Variants in UNC13C observed in about 807,000 individuals in gnomAD.
UNC13C encodes the protein unc-13 homolog C.
In UNC13C, 174 loss-of-function variants were observed where a neutral mutation model predicts 245.4. The ratio of observed to expected loss-of-function variants is 0.71; its 90% CI spans 0.63 to 0.80. UNC13C has a LOEUF of 0.80. UNC13C is among the 30% of genes least tolerant of loss of function. UNC13C has a pLI of 0.00. For synonymous variants in UNC13C, 992 were observed against 895.1 expected, an observed-to-expected ratio of 1.11 and a Z score of -1.93; for missense variants, 2,829 against 2,602.9, an observed-to-expected ratio of 1.09 and a Z score of -1.89.
the UNC13C span, among the ~76,000 whole-genome samples, chr15:53,889,381 G>C: frequency 6.6e-6 from 1 of 152,192 alleles, no homozygotes; most frequent in African/African-American, 2.4e-5. Context: ...AGGAATGCTT[G>C]TGATTTTTGC....
chr15:54,460,297 A>G (rs1290440317), intron 19 of UNC13C, among the ~76,000 whole-genome samples: 1 of 152,210 alleles, frequency 6.6e-6, no homozygotes, highest in Non-Finnish European at 1.5e-5. Context: ...TGGAGGTGGC[A>G]CAGGAGTTAA....
chr15:54,516,317 G>T (rs1894972653), intron 24 of UNC13C, among the ~76,000 whole-genome samples: 1 of 152,128 alleles, frequency 6.6e-6, no homozygotes, highest in Non-Finnish European at 1.5e-5. Context: ...AGTTCTTCTT[G>T]AACTTCAGCA....
the UNC13C span, among the ~76,000 whole-genome samples, chr15:53,920,976 G>A: frequency 6.6e-6 from 1 of 151,798 alleles, no homozygotes; most frequent in South Asian, 2.1e-4. Flanking sequence ...CAAGGGAAGA[G>A]GCTAGAGGGA....
At chr15:54,181,926 GC>G (rs1277839231) in intron 4 of UNC13C, among the ~76,000 whole-genome samples, 3 of 152,064 alleles carry the variant, frequency 2.0e-5, no homozygotes, top group Non-Finnish European at 4.4e-5. Context: ...AGTTCCAAAA[GC>G]CTTTTGGCAG....
the UNC13C span, among the ~76,000 whole-genome samples, chr15:53,880,291 C>T: frequency 0.98 from 148,825 of 152,304 alleles, 72,784 homozygotes; most frequent in Middle Eastern, 1. Flanking sequence ...AAAACAACTA[C>T]ATTATAAAGA....
chr15:54,598,864 T>C (rs1596646891), intron 30 of UNC13C, among the ~76,000 whole-genome samples: 1 of 152,164 alleles, frequency 6.6e-6, no homozygotes, highest in African/African-American at 2.4e-5. Flanking sequence ...CAAATACGTA[T>C]TTGACAAGAG....
At chr15:54,017,201 G>A (rs1566953389) in intron 2 of UNC13C, among the ~76,000 whole-genome samples, 1 of 151,972 alleles carries the variant, frequency 6.6e-6, no homozygotes, top group Non-Finnish European at 1.5e-5. Context: ...TGCACTGGCT[G>A]TTGCAACATT....
At chr15:54,149,128 C>T (rs2032409449) in intron 4 of UNC13C, among the ~76,000 whole-genome samples, 1 of 152,118 alleles carries the variant, frequency 6.6e-6, no homozygotes, top group East Asian at 1.9e-4. Flanking sequence ...TCTCCTGCTG[C>T]CATGTAAGAG....
At chr15:54,175,447 C>A (rs1284593486) in intron 4 of UNC13C, among the ~76,000 whole-genome samples, 2 of 151,714 alleles carry the variant, frequency 1.3e-5, no homozygotes, top group Non-Finnish European at 2.9e-5. Context: ...CCAAATGAAT[C>A]CTCTTTCCAG....
intron 19 of UNC13C, among the ~76,000 whole-genome samples, chr15:54,453,728 G>C (rs1891313780): frequency 6.6e-6 from 1 of 152,152 alleles, no homozygotes; most frequent in Non-Finnish European, 1.5e-5. Context: ...ACTGCCACCA[G>C]CTATAAATAG....
At chr15:54,000,441 A>G (rs1894834709) in intron 1 of UNC13C, among the ~76,000 whole-genome samples, 1 of 152,166 alleles carries the variant, frequency 6.6e-6, no homozygotes, top group Non-Finnish European at 1.5e-5. Context: ...ATGAAAATGC[A>G]GGTGGTGATA....
At chr15:54,052,331 C>T (rs1004978079) in intron 2 of UNC13C, among the ~76,000 whole-genome samples, 4 of 144,164 alleles carry the variant, frequency 2.8e-5, no homozygotes, top group Admixed American at 7.1e-5. Flanking sequence ...CCTGAGGAAT[C>T]GCCACACTGA....
In UNC13C at chr15:54,508,059, A is replaced by G. The variant is rs76863516; in HGVS notation, c.5379+865A>G. On this transcript the variant is annotated intron_variant, in intron 23 of 32. Coordinates refer to ENST00000260323, the MANE Select transcript of UNC13C (RefSeq NM_001080534.3). ...AGTCCTAATGGTTCTTGAGAATTCT[A>G]TAAGATGCTTCTTTTCCTTAAATTA... Among the ~76,000 whole-genome samples, 669 of 152,212 alleles carry G rather than the reference A, an allele frequency of 4.4e-3. 8 individuals are homozygous for G. The highest frequency in any genetic ancestry group is 0.015 in the African/African-American group (628 of 41,564).
chr15:54,458,537 T>C lies in UNC13C; in HGVS notation c.4934-36071T>C, dbSNP rs146845135. Among the ~76,000 whole-genome samples the C allele has an allele frequency of 7.7e-3, 1,166 of 152,192 alleles. 12 individuals are homozygous for C. Among genetic ancestry groups the C allele is most frequent in the Non-Finnish European group, 0.013 (916 of 67,958 alleles). ...GTTGCCATCTATCTCATTTCTTAGATATAGTAATAATTGTCTTATAAATTT... is the reference window on the plus strand; with the variant it reads ...GTTGCCATCTATCTCATTTCTTAGACATAGTAATAATTGTCTTATAAATTT... On this transcript the variant is annotated intron_variant, in intron 19 of 32. Coordinates refer to ENST00000260323, the MANE Select transcript of UNC13C (RefSeq NM_001080534.3).
chr15:54,127,237 G>C (rs559175632), intron 2 of UNC13C, among the ~76,000 whole-genome samples: 1 of 152,002 alleles, frequency 6.6e-6, no homozygotes, highest in Non-Finnish European at 1.5e-5. Context: ...ATCATTCTAC[G>C]ATAAAGACAC....
At chr15:54,172,233 TA>T (rs1249356126) in intron 4 of UNC13C, among the ~76,000 whole-genome samples, 1 of 152,056 alleles carries the variant, frequency 6.6e-6, no homozygotes, top group Non-Finnish European at 1.5e-5. Context: ...TTATACATTT[TA>T]AAATAATTAA....
At chr15:54,391,691 G>C (rs1386057218) in intron 17 of UNC13C, among the ~76,000 whole-genome samples, 2 of 151,964 alleles carry the variant, frequency 1.3e-5, no homozygotes, top group African/African-American at 4.8e-5. Context: ...AGTTCTGCAA[G>C]TTTTAACATC....
intron 19 of UNC13C, among the ~76,000 whole-genome samples, chr15:54,430,889 T>G (rs1305496316): frequency 6.6e-6 from 1 of 151,692 alleles, no homozygotes; most frequent in Non-Finnish European, 1.5e-5. Flanking sequence ...GTGAGTGGGT[T>G]TGAACAAATC....
chr15:54,101,444 T>C (rs577548304), intron 2 of UNC13C, among the ~76,000 whole-genome samples: 1 of 152,314 alleles, frequency 6.6e-6, no homozygotes, highest in South Asian at 2.1e-4. Flanking sequence ...CTAAATACTT[T>C]TAAAGGAAAA....
Sources: allele counts gnomAD v4.1 joint callset (sites outside exome capture counted in the v4.1 genomes callset), GRCh38; gene constraint gnomAD v4.1.1; transcripts MANE v1.5; gene names NCBI Gene and HGNC (gene_info 2026-07-23, HGNC 2026-07-21).